Variants in IFNAR2 observed in about 807,000 individuals in gnomAD.
IFNAR2 encodes interferon alpha and beta receptor subunit 2, also known as interferon alpha/beta receptor 2.
IFNAR2 carries 30 observed loss-of-function variants against 49.4 expected under a neutral mutation model. The observed-to-expected ratio is 0.61, with a 90% CI of 0.45 to 0.82. The LOEUF is 0.82. Ranked by LOEUF, IFNAR2 falls within the 40% of genes least tolerant of loss-of-function variation. The pLI is 0.00. For synonymous variants in IFNAR2, 224 were observed against 234.5 expected, an observed-to-expected ratio of 0.96 and a Z score of 0.41; for missense variants, 600 against 622.7, an observed-to-expected ratio of 0.96 and a Z score of 0.39.
intron 7 of IFNAR2, among the ~76,000 whole-genome samples, chr21:33,258,160 C>G (rs1158441440): frequency 1.3e-5 from 2 of 152,136 alleles, no homozygotes; most frequent in Non-Finnish European, 2.9e-5. Flanking sequence ...CAAAAATTAG[C>G]CAGGCGTGGT....
intron 2 of IFNAR2, among the ~76,000 whole-genome samples, chr21:33,242,763 G>A (rs1205791925): frequency 0.067 from 105 of 1,558 alleles, 3 homozygotes; most frequent in African/African-American, 0.28. Flanking sequence ...GTGTGCGTGT[G>A]TGTGTGTGTG....
intron 5 of IFNAR2, among the ~76,000 whole-genome samples, chr21:33,247,445 T>A (rs1184004464): frequency 6.6e-6 from 1 of 151,888 alleles, no homozygotes; most frequent in Non-Finnish European, 1.5e-5. Context: ...TAGAAATGTT[T>A]CACCATGTTG....
chr21:33,257,769 T>G (rs1220710522), intron 7 of IFNAR2, among the ~76,000 whole-genome samples: 1 of 152,118 alleles, frequency 6.6e-6, no homozygotes, highest in African/African-American at 2.4e-5. Flanking sequence ...CTGAGAGATA[T>G]CAGCAGACAC....
chr21:33,262,659 C>T (rs1340373602), intron 8 of IFNAR2, 134 bp from the exon 9 acceptor site: 7 of 1,301,878 alleles, frequency 5.4e-6, no homozygotes, highest in South Asian at 1.2e-5. Flanking sequence ...AGTCGTCCTG[C>T]CTAAGCTTCC....
intron 6 of IFNAR2, chr21:33,251,509 G>C: frequency 1.0e-6 from 1 of 976,652 alleles, no homozygotes; most frequent in East Asian, 1.1e-4. Context: ...AACAGGGAAG[G>C]AGATTGTGTG....
At chr21:33,248,177 TACTC>T (rs144861484) in intron 5 of IFNAR2, among the ~76,000 whole-genome samples, 2,061 of 152,248 alleles carry the variant, frequency 0.014, 17 homozygotes, top group Middle Eastern at 0.034. Context: ...AACATGTGCT[TACTC>T]TAATCCAGAA....
intron 1 of IFNAR2, among the ~76,000 whole-genome samples, chr21:33,233,202 A>G (rs1986188418): frequency 6.6e-6 from 1 of 152,216 alleles, no homozygotes; most frequent in South Asian, 2.1e-4. Flanking sequence ...AATACTGCTG[A>G]AAATAAAAGT....
chr21:33,248,598 A>G, intron 5 of IFNAR2, 111 bp from the exon 6 acceptor site: 1 of 944,164 alleles, frequency 1.1e-6, no homozygotes, highest in South Asian at 2.0e-5. Context: ...TATGATGTAA[A>G]TCAGGACTTG....
At position 33,260,717 on chromosome 21, in the gene IFNAR2, C is replaced by A; in HGVS notation, c.830C>A (p.Pro277His). The change falls in exon 8 of 9, where the codon CCC (proline) becomes CAC (histidine). Residue 277 changes from proline to histidine, a missense_variant. Pro to His is a moderately conservative substitution (Grantham distance 77). Transcript: ENST00000342136. ...TATATATGCTTAAGAAATAGCCTCC[C>A]CAAAGTCTTGGTAGGTAGTTTTTTT... ...IGYICLRNSL[P>H]KVLNFHNFLA... 6.6e-7 allele frequency: 1 copy of A among 1,516,730 alleles called. No homozygotes were observed. Among genetic ancestry groups the A allele is most frequent in the African/African-American group, 1.4e-5 (1 of 70,636 alleles). 94.0% of individuals were successfully genotyped at this position (1,516,730 alleles called of 1,614,324 possible). A position where few individuals can be genotyped will look rare whatever the true frequency, so the allele number is the denominator to read the frequency against.
In IFNAR2 at chr21:33,231,005, AT is replaced by A. The variant is rs57451586; in HGVS notation, c.-84+800del. ...GTATTCCCACCTCCTTTCTTTTAAC[AT>A]TTTTTTTTTTATTTCCTTGTTTTGT... On this transcript the variant is annotated intron_variant, in intron 1 of 8. Transcript: ENST00000342136. 6.6e-3 allele frequency among the ~76,000 whole-genome samples: 977 copies of A among 148,842 alleles called. 9 individuals carry two copies. Among genetic ancestry groups the A allele is most frequent in the African/African-American group, 0.02 (803 of 40,772 alleles).
At chr21:33,234,234 G>C (rs1986281029) in intron 1 of IFNAR2, among the ~76,000 whole-genome samples, 1 of 126,680 alleles carries the variant, frequency 7.9e-6, no homozygotes, top group Non-Finnish European at 1.7e-5. Context: ...TTTATGCATA[G>C]AAAGATCTGT....
chr21:33,248,451 C>T (rs1206954261), intron 5 of IFNAR2, among the ~76,000 whole-genome samples: 2 of 151,492 alleles, frequency 1.3e-5, no homozygotes, highest in East Asian at 3.9e-4. Context: ...AGGACAAATG[C>T]AAAAATTTAG....
Position 33,263,785 on chromosome 21 carries a change from A to T in IFNAR2, c.*285A>T. The T allele has an allele frequency of 2.7e-6, 1 of 368,988 alleles. No individual in the cohort carries two copies. Among genetic ancestry groups the T allele is most frequent in the South Asian group, 3.8e-5 (1 of 26,274 alleles). The allele number at this position is 368,988 out of a possible 1,614,324, so 22.9% of individuals were successfully genotyped here. A position where few individuals can be genotyped will look rare whatever the true frequency, so the allele number is the denominator to read the frequency against. On this transcript the variant is annotated 3_prime_UTR_variant, in exon 9 of 9. Transcript: ENST00000342136. ...CTTAGGATGTTTCTGCATCATGTCT[A>T]CCAGGGAGCAGGGTTCCCCACAGTT...
At chr21:33,249,928 A>C (rs1021414592) in intron 6 of IFNAR2, among the ~76,000 whole-genome samples, 7 of 151,966 alleles carry the variant, frequency 4.6e-5, no homozygotes, top group Admixed American at 2.0e-4. Flanking sequence ...GTGAGGTCAG[A>C]GGGTAAATGT....
intron 1 of IFNAR2, chr21:33,236,878 A>G (rs1794670547): frequency 1.0e-6 from 1 of 985,356 alleles, no homozygotes. Flanking sequence ...GACAGGAGCC[A>G]TGCTTTAGGA....
At chr21:33,261,727 T>C (rs1208771059) in intron 8 of IFNAR2, among the ~76,000 whole-genome samples, 1 of 151,894 alleles carries the variant, frequency 6.6e-6, no homozygotes, top group African/African-American at 2.4e-5. Flanking sequence ...TAAAAATAAA[T>C]TAGCCAGGCA....
intron 7 of IFNAR2, among the ~76,000 whole-genome samples, chr21:33,259,438 TCTC>T (rs1988424029): frequency 6.6e-6 from 1 of 152,104 alleles, no homozygotes; most frequent in South Asian, 2.1e-4. Flanking sequence ...AATTCTAAGT[TCTC>T]CTAAAGAATT....
At chr21:33,239,373 T>C (rs1986737829) in intron 1 of IFNAR2, among the ~76,000 whole-genome samples, 1 of 152,212 alleles carries the variant, frequency 6.6e-6, no homozygotes, top group African/African-American at 2.4e-5. Flanking sequence ...TCATAGCTGC[T>C]CATACAGGAG....
chr21:33,243,638 A>G (rs376067502), intron 2 of IFNAR2, 35 bp from the exon 3 acceptor site: 117 of 1,586,376 alleles, frequency 7.4e-5, no homozygotes, highest in Non-Finnish European at 9.6e-5. Flanking sequence ...CCCAGATAAA[A>G]CTATTGCCTC....
Sources: gnomAD v4.1 joint callset for allele counts (sites outside exome capture counted in the v4.1 genomes callset) on GRCh38, gnomAD v4.1.1 for gene constraint, MANE v1.5 for transcripts, NCBI Gene and HGNC (gene_info 2026-07-23, HGNC 2026-07-21) for gene names.